The following ZSCAN12 variants were observed in gnomAD, a reference collection of about 807,000 sequenced individuals.
ZSCAN12 encodes the protein zinc finger and SCAN domain-containing protein 12.
A neutral mutation model predicts 23.4 loss-of-function variants in ZSCAN12; 18 were observed. The ratio of observed to expected loss-of-function variants is 0.77; its 90% CI spans 0.53 to 1.14. The LOEUF is 1.14. Ranked by LOEUF, ZSCAN12 falls within the 50% of genes most tolerant of loss-of-function variation. The pLI is 0.00. For synonymous variants in ZSCAN12, 186 were observed against 253.4 expected, an observed-to-expected ratio of 0.73 and a Z score of 2.53; for missense variants, 650 against 735.0, an observed-to-expected ratio of 0.88 and a Z score of 1.34.
intron 2 of ZSCAN12, among the ~76,000 whole-genome samples, chr6:28,393,350 A>C (rs568737089): frequency 1.3e-5 from 2 of 152,244 alleles, no homozygotes; most frequent in African/African-American, 4.8e-5. Context: ...AAAGGAGAGA[A>C]GAAAAAGGTG....
Position 28,391,160 on chromosome 6 carries a change from A to T in ZSCAN12, c.1130T>A (p.Ile377Asn). 1 of 1,550,266 alleles carries T rather than the reference A, an allele frequency of 6.5e-7. No individual in the cohort carries two copies. The highest frequency in any genetic ancestry group is 8.7e-7 in the Non-Finnish European group (1 of 1,146,402). Residue 377 changes from isoleucine to asparagine, a missense_variant, in exon 4 of 4, where the codon ATC (isoleucine) becomes AAC (asparagine). By Grantham distance (149) the Ile-to-Asn change is moderately radical. Transcript: ENST00000684592. The surrounding 1 kb of genome is among the most constrained non-coding windows in gnomAD (Gnocchi z 4.1). Reference protein sequence around the residue: ...FSQKAGLFHHIKIHTRDKPYQ... With the variant: ...FSQKAGLFHHNKIHTRDKPYQ... ...AGGTTTGTCTCTTGTGTGGATCTTG[A>T]TATGGTGAAAGAGGCCTGCTTTCTG...
At chr6:28,394,638 G>A (rs1214245285) in intron 2 of ZSCAN12, among the ~76,000 whole-genome samples, 1 of 152,162 alleles carries the variant, frequency 6.6e-6, no homozygotes, top group Admixed American at 6.5e-5. Flanking sequence ...AGTGCTTTCA[G>A]AGAAAGAACT....
rs1760552876 is a variant in ZSCAN12 at position 28,386,593 on chromosome 6, T to C, written c.*3861A>G. ...TCCCTAATGTAGCACTCCTATTCCA[T>C]ATCTAACATGTCACATCCTCCATTT... On this transcript the variant is annotated 3_prime_UTR_variant, in exon 4 of 4. Coordinates refer to ENST00000684592, the MANE Select transcript of ZSCAN12 (RefSeq NM_001163391.2). 6.6e-6 allele frequency among the ~76,000 whole-genome samples: 1 copy of C among 152,222 alleles called. No individual in the cohort carries two copies. The highest frequency in any genetic ancestry group is 1.9e-4 in the East Asian group (1 of 5,202).
chr6:28,392,287 C>T (rs760480043), intron 3 of ZSCAN12, among the ~76,000 whole-genome samples: 3 of 151,576 alleles, frequency 2.0e-5, no homozygotes, highest in Non-Finnish European at 4.4e-5. Context: ...AAGCGATTCT[C>T]CTGCCTCAGC....
At chr6:28,392,838 A>G (rs1394332801) in intron 3 of ZSCAN12, 64 bp downstream of exon 3, 3 of 1,517,264 alleles carry the variant, frequency 2.0e-6, no homozygotes, top group Admixed American at 4.4e-5. Context: ...CAAGTACAAA[A>G]AAGCCCCAAT....
Position 28,391,293 on chromosome 6 carries a change from T to C in ZSCAN12, c.997A>G (p.Asn333Asp), listed in dbSNP as rs1250708074. ...IHTGEKPYKC[N>D]ECGKAFGRWS... ...CGGCCAAAGGCTTTGCCACATTCATTACACTTATACGGTTTCTCTCCAGTG... is the reference window on the plus strand; with the variant it reads ...CGGCCAAAGGCTTTGCCACATTCATCACACTTATACGGTTTCTCTCCAGTG... The change falls in exon 4 of 4, where the codon AAT becomes GAT. Residue 333 changes from asparagine to aspartate, a missense_variant. By Grantham distance (23) the Asn-to-Asp change is conservative. Transcript: ENST00000684592. This position sits in a 1 kb window ranked among gnomAD's most constrained non-coding sequence, Gnocchi z 4.1. The C allele has an allele frequency of 3.9e-6, 6 of 1,551,896 alleles. No individual in the cohort carries two copies. The highest frequency in any genetic ancestry group is 4.4e-6 in the Non-Finnish European group (5 of 1,147,108).
At chr6:28,392,811 A>G (rs1215677585) in intron 3 of ZSCAN12, 91 bp downstream of exon 3, 1 of 1,407,742 alleles carries the variant, frequency 7.1e-7, no homozygotes, top group East Asian at 2.5e-5. Flanking sequence ...TTTGACTTTA[A>G]TGATCAGAAA....
downstream of ZSCAN12, among the ~76,000 whole-genome samples, chr6:28,384,260 T>C: frequency 6.6e-6 from 1 of 152,148 alleles, no homozygotes; most frequent in East Asian, 1.9e-4. Flanking sequence ...GTTACTGAAG[T>C]AGGCAGAACT....
intron 1 of ZSCAN12, among the ~76,000 whole-genome samples, chr6:28,398,915 A>G (rs186751165): frequency 7.2e-6 from 1 of 139,166 alleles, no homozygotes; most frequent in African/African-American, 2.8e-5. Flanking sequence ...CCTGGGCGAC[A>G]GAGCGAGACT....
downstream of ZSCAN12, chr6:28,382,738 G>A (rs1267988572): frequency 1.1e-5 from 16 of 1,397,216 alleles, no homozygotes; most frequent in Non-Finnish European, 9.3e-7. Flanking sequence ...AATTAGGAAA[G>A]CAAAAGTGAC....
rs73742557 is a variant in ZSCAN12 at position 28,384,969 on chromosome 6, C to A, written c.*5485G>T. ...GAATGATTATGTCTAGGTTGAACAA[C>A]AAGCATTTGCTCAAATTCTGGCCTT... On this transcript the variant is annotated 3_prime_UTR_variant, in exon 4 of 4. Coordinates refer to ENST00000684592, the MANE Select transcript of ZSCAN12 (RefSeq NM_001163391.2). 0.011 allele frequency among the ~76,000 whole-genome samples: 1,644 copies of A among 152,264 alleles called. 35 individuals carry two copies. Among genetic ancestry groups the A allele is most frequent in the African/African-American group, 0.036 (1,486 of 41,546 alleles).
In ZSCAN12 at chr6:28,398,170, G is replaced by C. The variant is rs1164490372; in HGVS notation, c.236C>G (p.Thr79Ser). ...ELCHQWLRPE[T>S]HTKEQILELL... The stretch of plus-strand genomic sequence containing the variant: ...CTCCAGAATCTGTTCTTTGGTGTGG[G>C]TCTCTGGCCTCAGCCACTGATGGCA... Residue 79 changes from threonine to serine, a missense_variant, in exon 2 of 4, where the codon ACC (threonine) becomes AGC (serine). By Grantham distance (58) the Thr-to-Ser change is moderately conservative. Transcript: ENST00000684592. 12 of 1,613,666 alleles carry C rather than the reference G, an allele frequency of 7.4e-6. No homozygotes were observed. Among genetic ancestry groups the C allele is most frequent in the Middle Eastern group, 1.6e-4 (1 of 6,082 alleles).
At chr6:28,382,464 CTT>C, downstream of ZSCAN12, 1 of 1,546,916 alleles carries the variant, frequency 6.5e-7, no homozygotes, top group Non-Finnish European at 8.7e-7. Context: ...TAGGCACAGC[CTT>C]CTTCCTTTAC....
At chr6:28,397,968 T>C in intron 2 of ZSCAN12, 36 bp downstream of exon 2, 1 of 1,520,480 alleles carries the variant, frequency 6.6e-7, no homozygotes, top group Non-Finnish European at 8.8e-7. Flanking sequence ...CCACAATTTA[T>C]GTTTTCTCAA....
chr6:28,381,634 G>T (rs9468363), downstream of ZSCAN12: 13 of 150,796 alleles, frequency 8.6e-5, 1 homozygote, highest in South Asian at 2.5e-3. Context: ...GCTACTAAAA[G>T]TTCTAAAAGC....
Position 28,385,654 on chromosome 6 carries a change from T to C in ZSCAN12, c.*4800A>G, listed in dbSNP as rs1446521510. ...CTAACTTCGGGACCTTGAGCAGCTT[T>C]AGATTATCTATTTCAGTTTCCCCAG... is the stretch of plus-strand genomic sequence containing the variant. On this transcript the variant is annotated 3_prime_UTR_variant, in exon 4 of 4. Coordinates refer to ENST00000684592, the MANE Select transcript of ZSCAN12 (RefSeq NM_001163391.2). Among the ~76,000 whole-genome samples the C allele has an allele frequency of 6.6e-6, 1 of 152,228 alleles. No individual in the cohort carries two copies. Among genetic ancestry groups the C allele is most frequent in the African/African-American group, 2.4e-5 (1 of 41,458 alleles).
downstream of ZSCAN12, chr6:28,382,345 C>T: frequency 1.5e-6 from 2 of 1,306,884 alleles, no homozygotes; most frequent in Non-Finnish European, 2.0e-6. Context: ...GGCAAACCTT[C>T]CCAAGTCTTC....
chr6:28,386,881 G>C lies in ZSCAN12; in HGVS notation c.*3573C>G, dbSNP rs1245950016. Among the ~76,000 whole-genome samples the C allele has an allele frequency of 1.3e-5, 2 of 152,160 alleles. No individual in the cohort carries two copies. The highest frequency in any genetic ancestry group is 2.4e-5 in the African/African-American group (1 of 41,432). On this transcript the variant is annotated 3_prime_UTR_variant, in exon 4 of 4. Coordinates refer to ENST00000684592, the MANE Select transcript of ZSCAN12 (RefSeq NM_001163391.2). ...TCTTGCTCTGTCACCAGGCGGGAGAGCAGTGGTGCCATCTCAGCTCACTGC... is the reference window on the plus strand; with the variant it reads ...TCTTGCTCTGTCACCAGGCGGGAGACCAGTGGTGCCATCTCAGCTCACTGC...
chr6:28,382,374 C>A, downstream of ZSCAN12: 1 of 1,416,080 alleles, frequency 7.1e-7, no homozygotes, highest in Admixed American at 2.9e-5. Flanking sequence ...CTGTAAAGTC[C>A]AGGTAGCTAT....
Sources: allele counts gnomAD v4.1 joint callset (sites outside exome capture counted in the v4.1 genomes callset), GRCh38; gene constraint gnomAD v4.1.1; non-coding constraint Gnocchi (gnomAD v3.1); transcripts MANE v1.5; gene names NCBI Gene and HGNC (gene_info 2026-07-23, HGNC 2026-07-21).